NTNG2: variants seen among roughly 807,000 people sequenced by gnomAD.
NTNG2 encodes netrin-G2.
NTNG2 carries 15 observed loss-of-function variants against 47.6 expected under a neutral mutation model. The ratio of observed to expected loss-of-function variants is 0.32; its 90% CI spans 0.21 to 0.49. The LOEUF (loss-of-function observed/expected upper bound fraction) is 0.49, where lower values mean the gene tolerates loss of function less well. NTNG2 is among the 20% of genes least tolerant of loss of function. The pLI is 0.99. For synonymous variants in NTNG2, 307 were observed against 324.6 expected, an observed-to-expected ratio of 0.95 and a Z score of 0.58; for missense variants, 578 against 764.6, an observed-to-expected ratio of 0.76 and a Z score of 2.88.
Position 132,162,535 on chromosome 9 carries a change from A to AGAGT in NTNG2, c.-484+297_-484+298insAGTG, listed in dbSNP as rs1554775799. 8.9e-5 allele frequency among the ~76,000 whole-genome samples: 7 copies of AGAGT among 78,234 alleles called. No individual in the cohort carries two copies. Among genetic ancestry groups the AGAGT allele is most frequent in the Admixed American group, 2.2e-4 (2 of 9,114 alleles). The allele number at this position is 78,234 out of a possible 152,430, so 51.3% of individuals were successfully genotyped here. A position where few individuals can be genotyped will look rare whatever the true frequency, so the allele number is the denominator to read the frequency against. On this transcript the variant is annotated intron_variant, in intron 1 of 7. Transcript: ENST00000393229. This position sits in a 1 kb window ranked among gnomAD's most constrained non-coding sequence, Gnocchi z 4.6. ...GGGTCCTTTCCGTCGTGTGTGTGAG[A>AGAGT]GTGTGTGTGTGTGTGTGTGTGAGAG...
rs893966162 is a variant in NTNG2 at position 132,242,904 on chromosome 9, C to T, written c.*793C>T. 2.0e-5 allele frequency: 3 copies of T among 152,188 alleles called. No homozygotes were observed. Among genetic ancestry groups the T allele is most frequent in the Non-Finnish European group, 2.9e-5 (2 of 68,056 alleles). The allele number at this position is 152,188 out of a possible 1,614,324, so 9.4% of individuals were successfully genotyped here. On this transcript the variant is annotated 3_prime_UTR_variant, in exon 8 of 8. Coordinates refer to ENST00000393229, the MANE Select transcript of NTNG2 (RefSeq NM_032536.4). This position sits in a 1 kb window ranked among gnomAD's most constrained non-coding sequence, Gnocchi z 5.9. The stretch of plus-strand genomic sequence containing the variant: ...GGGGCTTACAGAGGAATCCACAACA[C>T]AGCCTTAAAGAAACGGTTTCCCTAC...
At chr9:132,187,572 AG>A (rs1316933484) in intron 2 of NTNG2, among the ~76,000 whole-genome samples, 78 of 33,920 alleles carry the variant, frequency 2.3e-3, no homozygotes, top group African/African-American at 0.022. Context: ...AGGGAGCAAG[AG>A]AGAGAGAGAG....
At chr9:132,230,112 C>T (rs889298319) in intron 4 of NTNG2, among the ~76,000 whole-genome samples, 2 of 152,260 alleles carry the variant, frequency 1.3e-5, no homozygotes, top group Admixed American at 6.5e-5. Flanking sequence ...CGCACTCCAC[C>T]CGCGGCAGCC....
intron 3 of NTNG2, among the ~76,000 whole-genome samples, chr9:132,207,077 C>T (rs749150580): frequency 3.9e-5 from 6 of 152,388 alleles, no homozygotes; most frequent in African/African-American, 7.2e-5. Context: ...CGCACAGCAA[C>T]GCCTTCCCAG....
intron 4 of NTNG2, 69 bp downstream of exon 4, chr9:132,227,090 C>A: frequency 1.4e-6 from 2 of 1,481,246 alleles, no homozygotes; most frequent in Non-Finnish European, 1.8e-6. Flanking sequence ...ATCCCAGGAG[C>A]TGTGGATCAT....
Position 132,166,691 on chromosome 9 carries a change from C to A in NTNG2, c.-141C>A. 1 of 715,964 alleles carries A rather than the reference C, an allele frequency of 1.4e-6. No individual in the cohort carries two copies. Among genetic ancestry groups the A allele is most frequent in the Non-Finnish European group, 2.4e-6 (1 of 417,532 alleles). The allele number at this position is 715,964 out of a possible 1,614,324, so 44.4% of individuals were successfully genotyped here. ...AAGTTCCTCGCTGTTTGCAAAGCTTCAGTGCTCGGGTCCCTGGGACACCCC... is the reference window on the plus strand; with the variant it reads ...AAGTTCCTCGCTGTTTGCAAAGCTTAAGTGCTCGGGTCCCTGGGACACCCC... On this transcript the variant is annotated 5_prime_UTR_variant, in exon 2 of 8. Coordinates refer to ENST00000393229, the MANE Select transcript of NTNG2 (RefSeq NM_032536.4).
chr9:132,201,405 C>T (rs1164333006), intron 3 of NTNG2, among the ~76,000 whole-genome samples: 1 of 152,236 alleles, frequency 6.6e-6, no homozygotes, highest in Non-Finnish European at 1.5e-5. Flanking sequence ...GGCAGCTTGG[C>T]TTGTCGTTGA....
chr9:132,234,121 CA>C (rs561856391), intron 5 of NTNG2, among the ~76,000 whole-genome samples: 282 of 151,932 alleles, frequency 1.9e-3, no homozygotes, highest in African/African-American at 6.6e-3. Flanking sequence ...TCCGCCCCCC[CA>C]GGTTCAAGCA....
intron 2 of NTNG2, among the ~76,000 whole-genome samples, chr9:132,175,672 G>A (rs373249148): frequency 6.6e-6 from 1 of 152,172 alleles, no homozygotes; most frequent in Non-Finnish European, 1.5e-5. Context: ...CTAATTCCCC[G>A]AGCACACACC....
chr9:132,222,055 C>T (rs1489937205), intron 3 of NTNG2, among the ~76,000 whole-genome samples: 2 of 152,162 alleles, frequency 1.3e-5, no homozygotes, highest in Admixed American at 1.3e-4. Context: ...TCAGAAGTTG[C>T]GAATTAAAAC....
At chr9:132,189,718 C>G (rs1021819380) in intron 2 of NTNG2, among the ~76,000 whole-genome samples, 1 of 152,136 alleles carries the variant, frequency 6.6e-6, no homozygotes, top group African/African-American at 2.4e-5. Context: ...CAGCTCACTG[C>G]AACCTCTGCC....
intron 5 of NTNG2, among the ~76,000 whole-genome samples, chr9:132,235,975 G>T (rs1841597333): frequency 6.6e-6 from 1 of 152,174 alleles, no homozygotes; most frequent in Non-Finnish European, 1.5e-5. Flanking sequence ...GCTTCAAGAG[G>T]TTCCATGTGG....
intron 5 of NTNG2, chr9:132,233,184 C>T (rs1841362124): frequency 6.6e-6 from 1 of 152,286 alleles, no homozygotes; most frequent in Non-Finnish European, 1.5e-5. Context: ...GGTGGGCAGA[C>T]AGAAGCAAAA....
At chr9:132,170,497 G>A (rs931836971) in intron 2 of NTNG2, among the ~76,000 whole-genome samples, 5 of 152,194 alleles carry the variant, frequency 3.3e-5, no homozygotes, top group African/African-American at 9.7e-5. Flanking sequence ...ACGGGCAAAG[G>A]CATCTCAGCC....
chr9:132,235,121 G>A (rs766368510), intron 5 of NTNG2, among the ~76,000 whole-genome samples: 2 of 152,206 alleles, frequency 1.3e-5, no homozygotes, highest in African/African-American at 2.4e-5. Context: ...GGGTCAGGAA[G>A]GTAGAAGGGC....
chr9:132,222,984 C>T (rs544504873), intron 3 of NTNG2, among the ~76,000 whole-genome samples: 1 of 152,056 alleles, frequency 6.6e-6, no homozygotes, highest in East Asian at 1.9e-4. Context: ...CATGGTGGCA[C>T]GCGACTGTGG....
At chr9:132,228,558 C>CTTTTTTTTTTTTT (rs56250915) in intron 4 of NTNG2, among the ~76,000 whole-genome samples, 1 of 145,214 alleles carries the variant, frequency 6.9e-6, no homozygotes. Context: ...TCACACCCTC[C>CTTTTTTTTTTTTT]TTTTTTTTTT....
intron 2 of NTNG2, among the ~76,000 whole-genome samples, chr9:132,187,698 C>T (rs1009343406): frequency 1.8e-4 from 28 of 152,106 alleles, no homozygotes; most frequent in Admixed American, 9.2e-4. Flanking sequence ...TCTCCGTTTC[C>T]GCTTTGTTAA....
At chr9:132,227,232 AAC>A (rs1160629607) in intron 4 of NTNG2, among the ~76,000 whole-genome samples, 1 of 152,152 alleles carries the variant, frequency 6.6e-6, no homozygotes, top group Non-Finnish European at 1.5e-5. Flanking sequence ...CATGCACAGA[AAC>A]ACACGTGCGT....
Sources: gnomAD v4.1 joint callset for allele counts (sites outside exome capture counted in the v4.1 genomes callset) on GRCh38, gnomAD v4.1.1 for gene constraint, Gnocchi (gnomAD v3.1) non-coding constraint, MANE v1.5 for transcripts, NCBI Gene and HGNC (gene_info 2026-07-23, HGNC 2026-07-21) for gene names.